NUP210L: variants seen among roughly 807,000 people sequenced by gnomAD.
NUP210L encodes the protein nucleoporin 210 like.
In NUP210L, 74 loss-of-function variants were observed where a neutral mutation model predicts 208.5. That is an observed-to-expected ratio of 0.35 (90% CI 0.29 to 0.43). NUP210L has a LOEUF of 0.43. NUP210L is among the 20% of genes least tolerant of loss of function. NUP210L has a pLI of 1.00. For synonymous variants in NUP210L, 780 were observed against 816.9 expected, an observed-to-expected ratio of 0.95 and a Z score of 0.77; for missense variants, 1,843 against 2,289.4, an observed-to-expected ratio of 0.81 and a Z score of 3.98.
chr1:153,999,949 C>T (rs1045726882), intron 37 of NUP210L, among the ~76,000 whole-genome samples: 2 of 151,716 alleles, frequency 1.3e-5, no homozygotes, highest in African/African-American at 2.4e-5. Flanking sequence ...CTCAGCCTCC[C>T]GAGTAGCTGG....
chr1:154,024,280 G>C (rs1651727639), intron 30 of NUP210L, among the ~76,000 whole-genome samples: 1 of 152,178 alleles, frequency 6.6e-6, no homozygotes, highest in Non-Finnish European at 1.5e-5. Context: ...GCCCGCGTTT[G>C]AATCATAGCT....
At position 154,006,967 on chromosome 1, in the gene NUP210L, T is replaced by TATATATATATATA. The variant is rs57242105; in HGVS notation, c.4930+3004_4930+3005insTATATATATATAT. Among the ~76,000 whole-genome samples, 155 of 94,826 alleles carry TATATATATATATA rather than the reference T, an allele frequency of 1.6e-3. 1 individual carries two copies. Among genetic ancestry groups the TATATATATATATA allele is most frequent in the South Asian group, 0.01 (29 of 2,768 alleles). 62.2% of individuals were successfully genotyped at this position (94,826 alleles called of 152,430 possible). A position where few individuals can be genotyped will look rare whatever the true frequency, so the allele number is the denominator to read the frequency against. On this transcript the variant is annotated intron_variant, in intron 35 of 39. Coordinates refer to ENST00000368559, the Ensembl canonical transcript of NUP210L. ...GTGTGTATATATATATATATATATA[T>TATATATATATATA]TTTTTTTTTTTTTTTAAATGGAGTT...
At chr1:154,050,667 T>G (rs1292349728) in intron 25 of NUP210L, among the ~76,000 whole-genome samples, 1 of 152,170 alleles carries the variant, frequency 6.6e-6, no homozygotes, top group African/African-American at 2.4e-5. Context: ...ACAGCAAGCT[T>G]TTATAAATAG....
chr1:154,026,084 T>G (rs1651861665), intron 29 of NUP210L, among the ~76,000 whole-genome samples: 1 of 151,120 alleles, frequency 6.6e-6, no homozygotes, highest in South Asian at 2.1e-4. Context: ...AAAAAAAAAT[T>G]TTTAGCTGGG....
intron 12 of NUP210L, 110 bp from the exon 13 acceptor site, chr1:154,104,320 G>T: frequency 1.3e-6 from 1 of 798,476 alleles, no homozygotes; most frequent in Non-Finnish European, 2.1e-6. Context: ...CTCCCTGCAG[G>T]AACACCAAAT....
intron 17 of NUP210L, among the ~76,000 whole-genome samples, chr1:154,068,486 C>T (rs1654527198): frequency 6.6e-6 from 1 of 152,044 alleles, no homozygotes; most frequent in South Asian, 2.1e-4. Flanking sequence ...TCAAGACCAT[C>T]CTGGCTAACA....
rs186907359 is a variant in NUP210L at position 154,117,651 on chromosome 1, T to C, written c.1620+74A>G. Reference sequence around the variant, plus strand: ...TAAATAGCCATGTTGGGCTCTTTTTTTAAAGTGTGTTAATTACTTAAATTT... The same window carrying C: ...TAAATAGCCATGTTGGGCTCTTTTTCTAAAGTGTGTTAATTACTTAAATTT... On this transcript the variant is annotated intron_variant, in intron 12 of 39. Transcript: ENST00000368559. The C allele has an allele frequency of 7.8e-4, 931 of 1,187,742 alleles. 17 individuals carry two copies. In the African/African-American group the frequency reaches 0.01, roughly 13 times the overall value. The allele number at this position is 1,187,742 out of a possible 1,614,324, so 73.6% of individuals were successfully genotyped here.
intron 16 of NUP210L, among the ~76,000 whole-genome samples, chr1:154,081,396 TG>T (rs1655316114): frequency 2.0e-5 from 3 of 152,200 alleles, no homozygotes; most frequent in Non-Finnish European, 2.9e-5. Context: ...CCTCAGTTCC[TG>T]GGAGGTAACC....
intron 16 of NUP210L, among the ~76,000 whole-genome samples, chr1:154,083,763 A>G (rs920685795): frequency 8.6e-5 from 13 of 152,044 alleles, no homozygotes; most frequent in African/African-American, 2.9e-4. Flanking sequence ...GGAAAAACAC[A>G]GTTTGAGAGT....
chr1:154,006,607 C>G (rs201505194), intron 35 of NUP210L, among the ~76,000 whole-genome samples: 2 of 151,494 alleles, frequency 1.3e-5, no homozygotes, highest in African/African-American at 2.4e-5. Context: ...AATTCTCCTG[C>G]CTCAGCCTCC....
chr1:154,115,854 C>T (rs185651956), intron 12 of NUP210L, among the ~76,000 whole-genome samples: 215 of 151,996 alleles, frequency 1.4e-3, no homozygotes, highest in Non-Finnish European at 2.2e-3. Context: ...CGCAGTGGCT[C>T]ATGCCTGTAA....
intron 35 of NUP210L, among the ~76,000 whole-genome samples, chr1:154,002,811 T>C (rs189026237): frequency 6.6e-6 from 1 of 151,832 alleles, no homozygotes; most frequent in African/African-American, 2.4e-5. Context: ...TTAAATGATA[T>C]AACACAAGCA....
chr1:154,050,411 G>A (rs1322192757), intron 25 of NUP210L, among the ~76,000 whole-genome samples: 1 of 152,166 alleles, frequency 6.6e-6, no homozygotes, highest in African/African-American at 2.4e-5. Context: ...AAGCTCAAAA[G>A]ATAGAATAGA....
intron 12 of NUP210L, among the ~76,000 whole-genome samples, chr1:154,116,050 T>TA (rs1204825622): frequency 6.6e-6 from 1 of 151,836 alleles, no homozygotes; most frequent in African/African-American, 2.4e-5. Flanking sequence ...GGTCAGGAGA[T>TA]AGAGACCAGC....
chr1:154,109,151 A>G (rs773357531), intron 12 of NUP210L, among the ~76,000 whole-genome samples: 3 of 151,586 alleles, frequency 2.0e-5, no homozygotes, highest in African/African-American at 7.3e-5. Flanking sequence ...TACAAGAAAC[A>G]TGCTTCACCT....
At chr1:154,107,334 C>T (rs374200042) in intron 12 of NUP210L, among the ~76,000 whole-genome samples, 4 of 151,818 alleles carry the variant, frequency 2.6e-5, no homozygotes, top group African/African-American at 4.8e-5. Context: ...ATTAGCCGGG[C>T]GTGTTGGCGG....
At chr1:154,089,594 C>T in exon 16 of NUP210L, 1 of 1,613,716 alleles carries the variant, frequency 6.2e-7, no homozygotes, top group South Asian at 1.1e-5. Context: ...AATGTGAGAA[C>T]CTTTAAGGAA....
rs114065723 is a variant in NUP210L, at chr1:154,146,978, C to T, written c.341-3401G>A. Among the ~76,000 whole-genome samples the T allele has an allele frequency of 9.2e-3, 1,394 of 152,018 alleles. 19 individuals carry two copies. Among genetic ancestry groups the T allele is most frequent in the African/African-American group, 0.032 (1,340 of 41,462 alleles). ...GGTTGGGATTATAGGCGCATGCCACCGCACCTGGCTAATTTTTAATTTTTT... is the reference window on the plus strand; with the variant it reads ...GGTTGGGATTATAGGCGCATGCCACTGCACCTGGCTAATTTTTAATTTTTT... On this transcript the variant is annotated intron_variant, in intron 2 of 39. Transcript: ENST00000368559.
chr1:154,099,852 A>G, intron 14 of NUP210L, 146 bp downstream of exon 14: 1 of 740,552 alleles, frequency 1.4e-6, no homozygotes, highest in South Asian at 1.8e-5. Context: ...AGAGAGCTGT[A>G]GATCTAAAAA....
Sources: allele counts gnomAD v4.1 joint callset (sites outside exome capture counted in the v4.1 genomes callset), GRCh38; gene constraint gnomAD v4.1.1; transcripts MANE v1.5; gene names NCBI Gene and HGNC (gene_info 2026-07-23, HGNC 2026-07-21).